Variants in LMBR1 observed in about 807,000 individuals in gnomAD.
The protein encoded by LMBR1 is limb region 1 protein homolog.
LMBR1 carries 52 observed loss-of-function variants against 73.9 expected under a neutral mutation model. The ratio of observed to expected loss-of-function variants is 0.70; its 90% confidence interval spans 0.56 to 0.89. LMBR1 has a LOEUF of 0.89. Ranked by LOEUF, LMBR1 falls within the 40% of genes least tolerant of loss-of-function variation. The pLI is 0.00. For synonymous variants in LMBR1, 215 were observed against 209.4 expected, an observed-to-expected ratio of 1.03 and a Z score of -0.23; for missense variants, 539 against 579.8, an observed-to-expected ratio of 0.93 and a Z score of 0.72.
At chr7:156,788,565 T>TA (rs141898642) in intron 5 of LMBR1, among the ~76,000 whole-genome samples, 6,416 of 151,776 alleles carry the variant, frequency 0.042, 448 homozygotes, top group African/African-American at 0.15. Flanking sequence ...TGCCCTCTAC[T>TA]AATACCTGGC....
At chr7:156,806,293 T>C (rs767360027) in intron 4 of LMBR1, among the ~76,000 whole-genome samples, 13 of 152,360 alleles carry the variant, frequency 8.5e-5, no homozygotes, top group Non-Finnish European at 1.6e-4. Flanking sequence ...ACTGCCAGTA[T>C]ATAGAAATAT....
At chr7:156,822,313 T>C (rs1420244392) in intron 4 of LMBR1, 3 of 152,206 alleles carry the variant, frequency 2.0e-5, no homozygotes. Context: ...ATATAATAAT[T>C]CTATAAACTA....
chr7:156,773,687 A>G (rs1291026954), intron 5 of LMBR1, among the ~76,000 whole-genome samples: 3 of 152,174 alleles, frequency 2.0e-5, no homozygotes, highest in Non-Finnish European at 4.4e-5. Flanking sequence ...TACACCATAT[A>G]CAAAAATCGA....
rs143936958 is a variant in LMBR1, at chr7:156,879,363, C to T, written c.66+13565G>A. Among the ~76,000 whole-genome samples, 33 of 152,192 alleles carry T rather than the reference C, an allele frequency of 2.2e-4. 2 individuals carry two copies. In the East Asian group the frequency reaches 6.2e-3, roughly 29 times the overall value. ...TTAGCAAGAGAAAAACAAACAATCC[C>T]ATCAAAAAGTGGGCTAACTGGCCGG... On this transcript the variant is annotated intron_variant, in intron 1 of 16. Coordinates refer to ENST00000353442, the MANE Select transcript of LMBR1 (RefSeq NM_022458.4).
At chr7:156,890,473 G>C (rs137996639) in intron 1 of LMBR1, among the ~76,000 whole-genome samples, 4 of 152,234 alleles carry the variant, frequency 2.6e-5, no homozygotes, top group African/African-American at 7.2e-5. Flanking sequence ...TATAATACAA[G>C]TTATTCTGTA....
intron 15 of LMBR1, among the ~76,000 whole-genome samples, chr7:156,689,537 C>T (rs1002232287): frequency 6.6e-5 from 10 of 152,102 alleles, no homozygotes; most frequent in Non-Finnish European, 5.9e-5. Flanking sequence ...ACAGAAAAAC[C>T]AAATACAAAC....
At chr7:156,871,142 A>G (rs1486398964) in intron 1 of LMBR1, among the ~76,000 whole-genome samples, 3 of 152,182 alleles carry the variant, frequency 2.0e-5, no homozygotes, top group Non-Finnish European at 4.4e-5. Flanking sequence ...AAAAAGGATC[A>G]TGAGACTACT....
rs1366885743 is a variant in LMBR1 at position 156,787,575 on chromosome 7, CAA to C, written c.423+8812_423+8813del. The stretch of plus-strand genomic sequence containing the variant: ...AATTTCTCTTTGCATGACAATTTAA[CAA>C]TATTTTTGAAACTCTAATCTGCTGA... On this transcript the variant is annotated intron_variant, in intron 5 of 16. Transcript: ENST00000353442. 6.6e-5 allele frequency among the ~76,000 whole-genome samples: 10 copies of C among 152,212 alleles called. No homozygotes were observed. In the East Asian group the frequency reaches 1.9e-3, roughly 29 times the overall value.
chr7:156,753,839 G>A (rs529589741), intron 9 of LMBR1, among the ~76,000 whole-genome samples: 5 of 152,176 alleles, frequency 3.3e-5, no homozygotes, highest in South Asian at 2.1e-4. Context: ...TGAGGGAGGC[G>A]CTGTCTTAGC....
intron 1 of LMBR1, among the ~76,000 whole-genome samples, chr7:156,845,364 T>C (rs570798191): frequency 1.3e-4 from 19 of 151,678 alleles, no homozygotes; most frequent in Admixed American, 3.9e-4. Context: ...ACTAAAATAA[T>C]TAAAATTAAA....
At chr7:156,883,679 G>C (rs1372315633) in intron 1 of LMBR1, among the ~76,000 whole-genome samples, 1 of 152,110 alleles carries the variant, frequency 6.6e-6, no homozygotes, top group African/African-American at 2.4e-5. Context: ...GGAGACTCTA[G>C]GAAAGAATTC....
At chr7:156,805,080 T>TAA (rs376237128) in intron 4 of LMBR1, among the ~76,000 whole-genome samples, 1 of 151,556 alleles carries the variant, frequency 6.6e-6, no homozygotes, top group Admixed American at 6.6e-5. Flanking sequence ...ACCATTTGTT[T>TAA]AAAAAAAAAT....
rs1816298331 is a variant in LMBR1, at chr7:156,728,885, A to AC, written c.839-166dup. On this transcript the variant is annotated intron_variant, in intron 10 of 16. Transcript: ENST00000353442. Reference sequence around the variant, plus strand: ...ACTACAGATAGGGCCTTGCTCTGTCACCCAGGCTAGAGCACAATGGTATAG... The same window carrying AC: ...ACTACAGATAGGGCCTTGCTCTGTCACCCCAGGCTAGAGCACAATGGTATAG... 9.2e-5 allele frequency among the ~76,000 whole-genome samples: 14 copies of AC among 152,294 alleles called. No individual in the cohort carries two copies. The South Asian group carries it at 2.9e-3, about 32-fold the overall frequency.
intron 1 of LMBR1, among the ~76,000 whole-genome samples, chr7:156,890,223 G>A (rs943346883): frequency 1.3e-5 from 2 of 152,098 alleles, no homozygotes; most frequent in Non-Finnish European, 2.9e-5. Flanking sequence ...AATGAGAAGA[G>A]TAATTCAATA....
In LMBR1 at chr7:156,724,068, T is replaced by G; in HGVS notation, c.1225+44A>C. 7 of 1,439,756 alleles carry G rather than the reference T, an allele frequency of 4.9e-6. No homozygotes were observed. In the South Asian group the frequency reaches 7.1e-5, roughly 15 times the overall value. 89.2% of individuals were successfully genotyped at this position (1,439,756 alleles called of 1,614,324 possible). A position where few individuals can be genotyped will look rare whatever the true frequency, so the allele number is the denominator to read the frequency against. ...AAATAAGTTCAGTAAAGACAGTTTT[T>G]AAAAACATGGATCTTTAAGTGAAAA... is the stretch of plus-strand genomic sequence containing the variant. On this transcript the variant is annotated intron_variant, in intron 15 of 16. Transcript: ENST00000353442.
At chr7:156,749,469 T>C (rs1384226896) in intron 9 of LMBR1, among the ~76,000 whole-genome samples, 1 of 152,202 alleles carries the variant, frequency 6.6e-6, no homozygotes, top group Non-Finnish European at 1.5e-5. Context: ...TCAACTTGGT[T>C]ATAAACAGCA....
chr7:156,844,447 C>T (rs1839262213), intron 1 of LMBR1, among the ~76,000 whole-genome samples: 1 of 152,018 alleles, frequency 6.6e-6, no homozygotes, highest in Non-Finnish European at 1.5e-5. Context: ...AGGTTCTACT[C>T]TAAAGTTGTA....
At chr7:156,801,980 A>G (rs1399720240) in intron 4 of LMBR1, among the ~76,000 whole-genome samples, 1 of 151,220 alleles carries the variant, frequency 6.6e-6, no homozygotes, top group Non-Finnish European at 1.5e-5. Flanking sequence ...AAATTCCACC[A>G]TTTCCTAACC....
At chr7:156,831,274 G>A (rs1010258750) in intron 3 of LMBR1, among the ~76,000 whole-genome samples, 1 of 76,306 alleles carries the variant, frequency 1.3e-5, no homozygotes, top group Non-Finnish European at 2.6e-5. Flanking sequence ...CCCTACCCTA[G>A]ATTTTTTTTT....
Sources: allele counts gnomAD v4.1 joint callset (sites outside exome capture counted in the v4.1 genomes callset), GRCh38; gene constraint gnomAD v4.1.1; transcripts MANE v1.5; gene names NCBI Gene and HGNC (gene_info 2026-07-23, HGNC 2026-07-21).